Variants in KCNIP1 observed in about 807,000 individuals in gnomAD.
KCNIP1 encodes the protein A-type potassium channel modulatory protein KCNIP1.
A neutral mutation model predicts 33.0 loss-of-function variants in KCNIP1; 18 were observed. The ratio of observed to expected loss-of-function variants is 0.55; its 90% CI spans 0.38 to 0.81. KCNIP1 has a LOEUF of 0.81. KCNIP1 is among the 30% of genes least tolerant of loss of function. The pLI, the probability that KCNIP1 is intolerant of heterozygous loss-of-function variation, is 0.00. For synonymous variants in KCNIP1, 93 were observed against 98.3 expected, an observed-to-expected ratio of 0.95 and a Z score of 0.32; for missense variants, 238 against 271.6, an observed-to-expected ratio of 0.88 and a Z score of 0.87.
chr5:170,384,323 T>C (rs1461962951), intron 1 of KCNIP1, among the ~76,000 whole-genome samples: 1 of 152,220 alleles, frequency 6.6e-6, no homozygotes, highest in Non-Finnish European at 1.5e-5. Flanking sequence ...TGCTGAGACC[T>C]TGCAGGACCT....
At chr5:170,650,541 G>C (rs963193428) in intron 1 of KCNIP1, among the ~76,000 whole-genome samples, 1 of 152,016 alleles carries the variant, frequency 6.6e-6, no homozygotes, top group Non-Finnish European at 1.5e-5. Context: ...GTATTTCTTT[G>C]TATGGATATA....
intron 1 of KCNIP1, among the ~76,000 whole-genome samples, chr5:170,533,721 G>C (rs960135975): frequency 2.0e-5 from 3 of 152,220 alleles, no homozygotes; most frequent in African/African-American, 7.2e-5. Context: ...GCTTAGGTGA[G>C]AGCTCTGGTC....
chr5:170,715,830 A>G lies in KCNIP1; in HGVS notation c.62-2928A>G, dbSNP rs375761494. ...AACTAGCTCATCATTATTTTTTATA[A>G]CAAAGTAATGACTAGCAACATCTGG... On this transcript the variant is annotated intron_variant, in intron 1 of 7. Coordinates refer to ENST00000328939, the MANE Select transcript of KCNIP1 (RefSeq NM_014592.4). 2.0e-5 allele frequency among the ~76,000 whole-genome samples: 3 copies of G among 152,232 alleles called. No individual in the cohort carries two copies. In the East Asian group the frequency reaches 5.8e-4, roughly 29 times the overall value.
chr5:170,651,412 G>A (rs1761037770), intron 1 of KCNIP1, among the ~76,000 whole-genome samples: 2 of 152,160 alleles, frequency 1.3e-5, no homozygotes, highest in South Asian at 2.1e-4. Context: ...ACAAACTTGG[G>A]CCTAATAAGA....
rs79599238 is a variant in KCNIP1, at chr5:170,718,968, G to A, written c.186+86G>A. 386 of 1,525,306 alleles carry A rather than the reference G, an allele frequency of 2.5e-4. No individual in the cohort carries two copies. In the African/African-American group the frequency reaches 3.1e-3, roughly 12 times the overall value. 94.5% of individuals were successfully genotyped at this position (1,525,306 alleles called of 1,614,324 possible). On this transcript the variant is annotated intron_variant, in intron 2 of 7. Transcript: ENST00000328939. ...CCAATGCCAAGGGAGCTCATAAGGC[G>A]TTTCCCATATGTGAGGCTGTACAAG...
intron 1 of KCNIP1, among the ~76,000 whole-genome samples, chr5:170,536,629 A>T (rs1331533098): frequency 6.6e-6 from 1 of 152,174 alleles, no homozygotes; most frequent in East Asian, 1.9e-4. Context: ...GGAAGAGGCT[A>T]CAGTCCTCCC....
chr5:170,575,083 A>G (rs919377403), intron 1 of KCNIP1, among the ~76,000 whole-genome samples: 1 of 152,178 alleles, frequency 6.6e-6, no homozygotes, highest in Non-Finnish European at 1.5e-5. Flanking sequence ...ATGGAAAAAA[A>G]AAATGTGAAC....
At chr5:170,358,551 A>G (rs1274495314) in intron 1 of KCNIP1, among the ~76,000 whole-genome samples, 1 of 152,184 alleles carries the variant, frequency 6.6e-6, no homozygotes, top group Non-Finnish European at 1.5e-5. Context: ...TCATTTGAAC[A>G]CCACCCCAAG....
intron 5 of KCNIP1, among the ~76,000 whole-genome samples, chr5:170,726,385 T>C (rs1422978): frequency 0.75 from 114,099 of 152,076 alleles, 42,889 homozygotes; most frequent in East Asian, 0.86. Context: ...AAGGTTGCTC[T>C]ATATCACTGG....
At chr5:170,360,920 C>G (rs1763495379) in intron 1 of KCNIP1, among the ~76,000 whole-genome samples, 1 of 152,230 alleles carries the variant, frequency 6.6e-6, no homozygotes, top group South Asian at 2.1e-4. Flanking sequence ...GAGGTCTGGT[C>G]TTAGTCAGGC....
At chr5:170,547,457 G>C (rs1240666881) in intron 1 of KCNIP1, among the ~76,000 whole-genome samples, 1 of 152,074 alleles carries the variant, frequency 6.6e-6, no homozygotes, top group Non-Finnish European at 1.5e-5. Flanking sequence ...GGGGTTTGTT[G>C]AACAGATTAT....
chr5:170,657,197 T>A (rs1026396637), intron 1 of KCNIP1, among the ~76,000 whole-genome samples: 2 of 152,182 alleles, frequency 1.3e-5, no homozygotes, highest in African/African-American at 2.4e-5. Context: ...GGTTTCACCA[T>A]GTTGGCCACG....
intron 1 of KCNIP1, among the ~76,000 whole-genome samples, chr5:170,394,711 A>G (rs1455132685): frequency 6.6e-6 from 1 of 152,182 alleles, no homozygotes; most frequent in East Asian, 1.9e-4. Flanking sequence ...TAGAGTGAAC[A>G]TAGTACCCAA....
At chr5:170,394,471 T>C (rs1193055978) in intron 1 of KCNIP1, among the ~76,000 whole-genome samples, 4 of 149,118 alleles carry the variant, frequency 2.7e-5, no homozygotes, top group African/African-American at 9.7e-5. Flanking sequence ...GCTTTGGTTT[T>C]CGGGAAAAAA....
At chr5:170,721,725 C>T in intron 3 of KCNIP1, 108 bp from the exon 4 acceptor site, 1 of 1,613,238 alleles carries the variant, frequency 6.2e-7, no homozygotes, top group Non-Finnish European at 8.5e-7. Flanking sequence ...TTTCCATCAC[C>T]CTAGCATCAC....
intron 1 of KCNIP1, among the ~76,000 whole-genome samples, chr5:170,608,777 T>A (rs1282853684): frequency 6.7e-6 from 1 of 150,156 alleles, no homozygotes; most frequent in Non-Finnish European, 1.5e-5. Context: ...AAAAAAAAAT[T>A]AATGCAAAGA....
chr5:170,445,979 G>C (rs111377454), intron 1 of KCNIP1, among the ~76,000 whole-genome samples: 133 of 152,332 alleles, frequency 8.7e-4, no homozygotes, highest in Non-Finnish European at 1.7e-3. Context: ...TTGCCACATG[G>C]CTCTCTGTTT....
chr5:170,599,203 C>T (rs1350636551), intron 1 of KCNIP1, among the ~76,000 whole-genome samples: 1 of 152,090 alleles, frequency 6.6e-6, no homozygotes, highest in African/African-American at 2.4e-5. Context: ...ATGGAATCAG[C>T]AATTAACATG....
intron 1 of KCNIP1, among the ~76,000 whole-genome samples, chr5:170,546,252 A>G (rs898164739): frequency 2.0e-5 from 3 of 152,082 alleles, no homozygotes; most frequent in African/African-American, 7.2e-5. Flanking sequence ...TCTTGAGGGG[A>G]AAAACAGGGA....
Sources: gnomAD v4.1 joint callset for allele counts (sites outside exome capture counted in the v4.1 genomes callset) on GRCh38, gnomAD v4.1.1 for gene constraint, MANE v1.5 for transcripts, NCBI Gene and HGNC (gene_info 2026-07-23, HGNC 2026-07-21) for gene names.